Variants in RALYL observed in about 807,000 individuals in gnomAD.
The protein encoded by RALYL is RNA-binding Raly-like protein.
A neutral mutation model predicts 35.1 loss-of-function variants in RALYL; 29 were observed. The ratio of observed to expected loss-of-function variants is 0.83; its 90% CI spans 0.61 to 1.13. The LOEUF (loss-of-function observed/expected upper bound fraction) is 1.13, where lower values mean the gene tolerates loss of function less well. Ranked by LOEUF, RALYL falls within the 50% of genes most tolerant of loss-of-function variation. The pLI, the probability that RALYL is intolerant of heterozygous loss-of-function variation, is 0.00. For synonymous variants in RALYL, 120 were observed against 127.6 expected (o/e 0.94, Z 0.40); for missense variants, 359 against 360.4 (o/e 1.00, Z 0.03).
At chr8:84,866,218 G>A (rs1839144598) in intron 6 of RALYL, among the ~76,000 whole-genome samples, 1 of 152,124 alleles carries the variant, frequency 6.6e-6, no homozygotes, top group African/African-American at 2.4e-5. Context: ...CTTTCTGGGA[G>A]ACAAGATCTG....
intron 8 of RALYL, among the ~76,000 whole-genome samples, chr8:84,910,519 A>G (rs1485173280): frequency 4.6e-5 from 7 of 152,086 alleles, no homozygotes; most frequent in Admixed American, 4.6e-4. Flanking sequence ...TCTCAAAACA[A>G]AAAATCTGTT....
chr8:84,333,612 T>C (rs12675100), intron 1 of RALYL, among the ~76,000 whole-genome samples: 1 of 152,082 alleles, frequency 6.6e-6, no homozygotes, highest in Non-Finnish European at 1.5e-5. Flanking sequence ...CTAATACAGG[T>C]GACTTGGCCT....
chr8:84,783,985 T>C (rs1192579132), intron 3 of RALYL, among the ~76,000 whole-genome samples: 1 of 152,216 alleles, frequency 6.6e-6, no homozygotes, highest in Non-Finnish European at 1.5e-5. Context: ...TCTGTGTTTT[T>C]CTTCTAATTT....
intron 1 of RALYL, among the ~76,000 whole-genome samples, chr8:84,379,286 C>G (rs1289539792): frequency 6.6e-6 from 1 of 151,790 alleles, no homozygotes; most frequent in Non-Finnish European, 1.5e-5. Flanking sequence ...ATAGCAGTGG[C>G]AAGAAAAGTA....
intron 3 of RALYL, among the ~76,000 whole-genome samples, chr8:84,795,322 G>A (rs1821669173): frequency 6.6e-6 from 1 of 152,164 alleles, no homozygotes; most frequent in African/African-American, 2.4e-5. Context: ...GACTGCCTGA[G>A]TTATCACCCT....
intron 2 of RALYL, among the ~76,000 whole-genome samples, chr8:84,544,175 C>T (rs1588095449): frequency 2.0e-5 from 3 of 151,996 alleles, no homozygotes; most frequent in Non-Finnish European, 4.4e-5. Flanking sequence ...AGTAAATACA[C>T]AGTTTTAATG....
intron 2 of RALYL, among the ~76,000 whole-genome samples, chr8:84,674,436 A>G (rs1320354150): frequency 6.6e-6 from 1 of 152,138 alleles, no homozygotes. Context: ...GAGAGAGGGC[A>G]TCCTTGTCTG....
chr8:84,558,239 A>G (rs925076337), intron 2 of RALYL, among the ~76,000 whole-genome samples: 4 of 152,086 alleles, frequency 2.6e-5, no homozygotes, highest in Non-Finnish European at 1.5e-5. Context: ...TTTCCTTTAT[A>G]TTCATTGGTG....
rs117106520 is a variant in RALYL at position 84,301,385 on chromosome 8, T to C, written c.-24+116961T>C. On this transcript the variant is annotated intron_variant, in intron 1 of 8. Transcript: ENST00000521268. ...CTTGGGAAAGTCATCTTTTATAGCA[T>C]CACACAGGAGGTCTCTGCATTTCCT... Among the ~76,000 whole-genome samples, 4 of 152,202 alleles carry C rather than the reference T, an allele frequency of 2.6e-5. No homozygotes were observed. The East Asian group carries it at 7.7e-4, about 29-fold the overall frequency.
In RALYL at chr8:84,862,514, C is replaced by T. The variant is rs1338184612; in HGVS notation, c.571+61C>T. The T allele has an allele frequency of 1.4e-5, 18 of 1,287,748 alleles. No individual in the cohort carries two copies. The East Asian group carries it at 3.3e-4, about 23-fold the overall frequency. 79.8% of individuals were successfully genotyped at this position (1,287,748 alleles called of 1,614,324 possible). A position where few individuals can be genotyped will look rare whatever the true frequency, so the allele number is the denominator to read the frequency against. On this transcript the variant is annotated intron_variant, in intron 6 of 8. Transcript: ENST00000521268. ...AAGGGAGTGATTAACTATCATTGCACGAATGCCTATATTCAATAAATTAAC... is the reference window on the plus strand; with the variant it reads ...AAGGGAGTGATTAACTATCATTGCATGAATGCCTATATTCAATAAATTAAC...
At chr8:84,220,173 G>A (rs930448322) in intron 1 of RALYL, among the ~76,000 whole-genome samples, 1 of 151,976 alleles carries the variant, frequency 6.6e-6, no homozygotes, top group African/African-American at 2.4e-5. Context: ...TTAAAATTTT[G>A]TATTACTAAG....
chr8:84,200,932 G>T (rs2131002390), intron 1 of RALYL, among the ~76,000 whole-genome samples: 1 of 152,218 alleles, frequency 6.6e-6, no homozygotes, highest in Middle Eastern at 3.4e-3. Flanking sequence ...ATGTTTTAGT[G>T]TAGTTATCCA....
intron 1 of RALYL, among the ~76,000 whole-genome samples, chr8:84,435,373 G>T (rs912765253): frequency 6.6e-6 from 1 of 151,950 alleles, no homozygotes; most frequent in Admixed American, 6.6e-5. Context: ...ACAAATCTTG[G>T]ATGAAATTTT....
chr8:84,364,745 G>C (rs1249417776), intron 1 of RALYL, among the ~76,000 whole-genome samples: 2 of 152,056 alleles, frequency 1.3e-5, no homozygotes, highest in African/African-American at 4.8e-5. Context: ...TACTGTTTAG[G>C]AGAGTATATT....
At chr8:84,305,065 G>T (rs1467874897) in intron 1 of RALYL, among the ~76,000 whole-genome samples, 1 of 152,082 alleles carries the variant, frequency 6.6e-6, no homozygotes, top group Non-Finnish European at 1.5e-5. Flanking sequence ...TGAGAAATGA[G>T]ATGATAAAAT....
intron 1 of RALYL, among the ~76,000 whole-genome samples, chr8:84,433,549 G>T (rs949113536): frequency 6.6e-5 from 10 of 152,000 alleles, no homozygotes; most frequent in Admixed American, 6.6e-4. Context: ...AATCATGGGG[G>T]CTGGTCTTTC....
At chr8:84,361,194 T>C (rs16912707) in intron 1 of RALYL, among the ~76,000 whole-genome samples, 7,921 of 152,246 alleles carry the variant, frequency 0.052, 276 homozygotes, top group African/African-American at 0.091. Flanking sequence ...GAATTTTGCC[T>C]TTAATCTGAA....
intron 1 of RALYL, among the ~76,000 whole-genome samples, chr8:84,484,668 T>C (rs2054415571): frequency 6.6e-6 from 1 of 152,190 alleles, no homozygotes; most frequent in Admixed American, 6.6e-5. Flanking sequence ...TAACTTTACA[T>C]ATGTAATATT....
At chr8:84,327,211 G>A (rs1845963178) in intron 1 of RALYL, among the ~76,000 whole-genome samples, 1 of 152,056 alleles carries the variant, frequency 6.6e-6, no homozygotes, top group Admixed American at 6.6e-5. Flanking sequence ...GGGAAACAAA[G>A]CATTTCAGAG....
Sources: gnomAD v4.1 joint callset for allele counts (sites outside exome capture counted in the v4.1 genomes callset) on GRCh38, gnomAD v4.1.1 for gene constraint, MANE v1.5 for transcripts, NCBI Gene and HGNC (gene_info 2026-07-23, HGNC 2026-07-21) for gene names.